The following CRISPLD2 variants were observed in gnomAD, a reference collection of about 807,000 sequenced individuals.
CRISPLD2 encodes cysteine rich secretory protein LCCL domain containing 2, also known as cysteine-rich secretory protein LCCL domain-containing 2.
In CRISPLD2, 47 loss-of-function variants were observed where a neutral mutation model predicts 71.1. That is an observed-to-expected ratio of 0.66 (90% confidence interval 0.52 to 0.84). CRISPLD2 has a LOEUF of 0.84. Ranked by LOEUF, CRISPLD2 falls within the 40% of genes least tolerant of loss-of-function variation. CRISPLD2 has a pLI of 0.00. For synonymous variants in CRISPLD2, 317 were observed against 250.1 expected, an observed-to-expected ratio of 1.27 and a Z score of -2.52; for missense variants, 830 against 651.1, an observed-to-expected ratio of 1.27 and a Z score of -2.99.
At chr16:84,849,817 A>G (rs1917031730) in intron 4 of CRISPLD2, among the ~76,000 whole-genome samples, 1 of 150,994 alleles carries the variant, frequency 6.6e-6, no homozygotes, top group African/African-American at 2.4e-5. Context: ...TCCTGGGCTC[A>G]AGCAATCCTC....
At chr16:84,849,843 G>A (rs1204378583) in intron 4 of CRISPLD2, among the ~76,000 whole-genome samples, 1 of 149,894 alleles carries the variant, frequency 6.7e-6, no homozygotes, top group Non-Finnish European at 1.5e-5. Context: ...TCAGCCTCCT[G>A]AGTACCTGGG....
chr16:84,901,418 T>C (rs1043886043), intron 14 of CRISPLD2, among the ~76,000 whole-genome samples: 1 of 152,022 alleles, frequency 6.6e-6, no homozygotes, highest in Non-Finnish European at 1.5e-5. Context: ...GCGGCTATGA[T>C]TAGTCTTTTC....
chr16:84,875,413 A>ATTTTTTTTTTTTTTTTTT (rs2071509254), intron 11 of CRISPLD2, among the ~76,000 whole-genome samples: 4 of 108,552 alleles, frequency 3.7e-5, no homozygotes, highest in African/African-American at 1.5e-4. Context: ...TTATGCATGG[A>ATTTTTTTTTTTTTTTTTT]CTTTTTTTTT....
intron 1 of CRISPLD2, among the ~76,000 whole-genome samples, chr16:84,833,212 G>A (rs180775386): frequency 1.7e-4 from 26 of 152,280 alleles, no homozygotes; most frequent in African/African-American, 6.0e-4. Flanking sequence ...GGCTCCCGTC[G>A]CTTTGATTCG....
chr16:84,854,408 C>G (rs1411292990), intron 5 of CRISPLD2, among the ~76,000 whole-genome samples: 2 of 152,108 alleles, frequency 1.3e-5, no homozygotes, highest in Non-Finnish European at 2.9e-5. Context: ...GTGTTGTGAT[C>G]TAGGGGCCCT....
chr16:84,889,288 G>A lies in CRISPLD2; in HGVS notation c.1364G>A (p.Gly455Asp). Residue 455 changes from glycine to aspartate, a missense_variant, in exon 14 of 15, where the codon GGT (glycine) becomes GAT (aspartate). Physicochemically the swap from Gly to Asp is moderately conservative, Grantham distance 94. Transcript: ENST00000262424. ...GGAGTCATCAGCAACGAGAGTGGGG[G>A]TGACGTGGACGTGATGCCCGTGGAT... ...HAGVISNESGGDVDVMPVDKK... is the reference protein window; with the variant it reads ...HAGVISNESGDDVDVMPVDKK... 1 of 1,614,122 alleles carries A rather than the reference G, an allele frequency of 6.2e-7. No homozygotes were observed. The highest frequency in any genetic ancestry group is 8.5e-7 in the Non-Finnish European group (1 of 1,179,996).
intron 6 of CRISPLD2, among the ~76,000 whole-genome samples, chr16:84,856,141 T>C (rs150779472): frequency 8.8e-4 from 134 of 152,242 alleles, no homozygotes; most frequent in African/African-American, 3.1e-3. Context: ...CCTGGTGGAG[T>C]GACCCAAACC....
intron 13 of CRISPLD2, among the ~76,000 whole-genome samples, chr16:84,887,289 C>T (rs976932529): frequency 1.8e-4 from 27 of 152,200 alleles, no homozygotes; most frequent in African/African-American, 4.3e-4. Context: ...CTACACTACA[C>T]GTGCAGGGAG....
chr16:84,868,219 C>T (rs139549568), intron 7 of CRISPLD2, among the ~76,000 whole-genome samples: 27 of 152,354 alleles, frequency 1.8e-4, no homozygotes, highest in African/African-American at 4.8e-4. Context: ...CTTGCTTTGA[C>T]CAGGAAACCT....
chr16:84,908,499 A>G lies in CRISPLD2; in HGVS notation c.*1857A>G, dbSNP rs892289101. The G allele has an allele frequency of 6.6e-6, 1 of 152,136 alleles. No individual in the cohort carries two copies. Among genetic ancestry groups the G allele is most frequent in the Non-Finnish European group, 1.5e-5 (1 of 68,048 alleles). The allele number at this position is 152,136 out of a possible 1,614,324, so 9.4% of individuals were successfully genotyped here. On this transcript the variant is annotated 3_prime_UTR_variant, in exon 15 of 15. Transcript: ENST00000262424. ...CCCTGTGGGGTTTGCAGAATTAGTG[A>G]AGGGTCCAGGACGATCCCAGTGGGC...
intron 1 of CRISPLD2, among the ~76,000 whole-genome samples, chr16:84,823,020 C>T (rs955063040): frequency 6.6e-6 from 1 of 152,156 alleles, no homozygotes; most frequent in African/African-American, 2.4e-5. Context: ...AGGCATCATT[C>T]GCCATTCTCC....
chr16:84,834,213 A>T (rs1047645994), intron 1 of CRISPLD2, among the ~76,000 whole-genome samples: 1 of 152,160 alleles, frequency 6.6e-6, no homozygotes, highest in Non-Finnish European at 1.5e-5. Context: ...AGGCGCTCAC[A>T]CCACGACGGG....
chr16:84,906,542 C>G, intron 14 of CRISPLD2, 46 bp from the exon 15 acceptor site: 1 of 1,599,714 alleles, frequency 6.3e-7, no homozygotes, highest in Non-Finnish European at 8.5e-7. Flanking sequence ...CTGCAGGAGG[C>G]CCTCCAGATC....
At chr16:84,870,610 C>T (rs1361239292) in intron 8 of CRISPLD2, among the ~76,000 whole-genome samples, 1 of 152,170 alleles carries the variant, frequency 6.6e-6, no homozygotes. Flanking sequence ...AGCCACTGCG[C>T]CTAGGCTGCT....
chr16:84,850,230 A>G (rs1163475726), intron 4 of CRISPLD2, among the ~76,000 whole-genome samples: 1 of 151,902 alleles, frequency 6.6e-6, no homozygotes, highest in South Asian at 2.1e-4. Context: ...AGCTGGGACT[A>G]TAGGTGCCTG....
intron 13 of CRISPLD2, among the ~76,000 whole-genome samples, chr16:84,882,468 T>C (rs544214546): frequency 1.3e-5 from 2 of 152,062 alleles, no homozygotes; most frequent in South Asian, 2.1e-4. Flanking sequence ...TGGAGTGCAA[T>C]TGCACGATCT....
rs140218784 is a variant in CRISPLD2 at position 84,897,822 on chromosome 16, G to C, written c.1439+8459G>C. On this transcript the variant is annotated intron_variant, in intron 14 of 14. Transcript: ENST00000262424. Reference sequence around the variant, plus strand: ...AGTAGAGACGGGGTTTCGCCATGTTGGCCAGGCTGGTCTCGAACCCCTGAC... The same window carrying C: ...AGTAGAGACGGGGTTTCGCCATGTTCGCCAGGCTGGTCTCGAACCCCTGAC... Among the ~76,000 whole-genome samples, 94 of 152,330 alleles carry C rather than the reference G, an allele frequency of 6.2e-4. 3 individuals carry two copies. In the East Asian group the frequency reaches 0.018, roughly 29 times the overall value.
At chr16:84,822,050 G>A (rs917042509) in intron 1 of CRISPLD2, among the ~76,000 whole-genome samples, 3 of 152,246 alleles carry the variant, frequency 2.0e-5, no homozygotes, top group African/African-American at 7.2e-5. Flanking sequence ...CTTGCTGCTA[G>A]TTGAGGCTTT....
chr16:84,853,989 A>C (rs992697136), intron 5 of CRISPLD2, among the ~76,000 whole-genome samples: 1 of 152,208 alleles, frequency 6.6e-6, no homozygotes, highest in African/African-American at 2.4e-5. Flanking sequence ...CCCTGGAGAA[A>C]GCCTATGGTG....
Sources: allele counts gnomAD v4.1 joint callset (sites outside exome capture counted in the v4.1 genomes callset), GRCh38; gene constraint gnomAD v4.1.1; transcripts MANE v1.5; gene names NCBI Gene and HGNC (gene_info 2026-07-23, HGNC 2026-07-21).